COL18A1: variants seen among roughly 807,000 people sequenced by gnomAD.
COL18A1 encodes the protein collagen type XVIII alpha 1 chain, also known as collagen alpha-1(XVIII) chain.
In COL18A1, 133 loss-of-function variants were observed where a neutral mutation model predicts 168.0. The observed-to-expected ratio is 0.79, with a 90% CI of 0.69 to 0.91. The LOEUF (loss-of-function observed/expected upper bound fraction) is 0.91. COL18A1 is among the 40% of genes least tolerant of loss of function. The pLI is 0.00. For synonymous variants in COL18A1, 949 were observed against 809.0 expected (o/e 1.17, Z -2.94); for missense variants, 2,126 against 1,925.4 (o/e 1.10, Z -1.95).
At position 45,423,501 on chromosome 21, in the gene COL18A1, GC is replaced by G. The variant is rs940915933; in HGVS notation, c.106+18034del. 6.5e-4 allele frequency among the ~76,000 whole-genome samples: 41 copies of G among 63,522 alleles called. No individual in the cohort carries two copies. The highest frequency in any genetic ancestry group is 1.7e-3 in the African/African-American group (40 of 23,042). 41.7% of individuals were successfully genotyped at this position (63,522 alleles called of 152,430 possible). On this transcript the variant is annotated intron_variant, in intron 2 of 41. Transcript: ENST00000651438. The surrounding 1 kb of genome is among the most constrained non-coding windows in gnomAD (Gnocchi z 4.0). ...GCTGGGCGCCCGCCCCCCGCCCCCC[GC>G]CCCCCGGAGGGCCCGGCTCCAAGGG...
intron 2 of COL18A1, among the ~76,000 whole-genome samples, chr21:45,449,749 G>A (rs1486330047): frequency 6.6e-6 from 1 of 152,178 alleles, no homozygotes; most frequent in African/African-American, 2.4e-5. Flanking sequence ...CTCTCACTGT[G>A]CGGCCACCTC....
chr21:45,511,794 T>G (rs1340776122), intron 41 of COL18A1, among the ~76,000 whole-genome samples: 2 of 152,210 alleles, frequency 1.3e-5, no homozygotes. Flanking sequence ...CAAGGGTCTC[T>G]GACAGGAGTG....
intron 2 of COL18A1, among the ~76,000 whole-genome samples, chr21:45,465,627 G>C (rs779950304): frequency 3.9e-5 from 6 of 152,156 alleles, no homozygotes; most frequent in Admixed American, 2.0e-4. Context: ...GGGCACGAGC[G>C]GCCCTGGCTC....
chr21:45,468,957 C>G (rs1262081773), intron 3 of COL18A1, among the ~76,000 whole-genome samples, 171 bp downstream of exon 3: 1 of 152,144 alleles, frequency 6.6e-6, no homozygotes, highest in African/African-American at 2.4e-5. Flanking sequence ...CTGCTCAGCC[C>G]TGGCCTCCGG....
chr21:45,500,118 A>G (rs1223618333), intron 32 of COL18A1, among the ~76,000 whole-genome samples: 1 of 120,110 alleles, frequency 8.3e-6, no homozygotes, highest in Non-Finnish European at 1.7e-5. Context: ...GAGTGTGTGC[A>G]GTGTGGGGGT....
intron 38 of COL18A1, among the ~76,000 whole-genome samples, chr21:45,509,075 G>A (rs1056832984): frequency 2.6e-5 from 4 of 152,070 alleles, no homozygotes; most frequent in Non-Finnish European, 5.9e-5. Context: ...CAAAGGAGAG[G>A]GCAGGTCAGG....
chr21:45,480,662 C>T (rs752258899), intron 12 of COL18A1, 38 bp from the exon 13 acceptor site: 25 of 1,611,016 alleles, frequency 1.6e-5, no homozygotes, highest in Non-Finnish European at 1.0e-5. Context: ...TGGTGGGTGC[C>T]ACATGGGCTG....
chr21:45,476,204 C>T lies in COL18A1; in HGVS notation c.799-147C>T, dbSNP rs905276343. 10 of 1,209,538 alleles carry T rather than the reference C, an allele frequency of 8.3e-6. No individual in the cohort carries two copies. In the African/African-American group the frequency reaches 1.1e-4, roughly 13 times the overall value. 74.9% of individuals were successfully genotyped at this position (1,209,538 alleles called of 1,614,324 possible). ...CTGCGGCCCACGGAAGGAAGCCCCT[C>T]GCGCACGGCCCTGGAGCACCCTCCT... is the stretch of plus-strand genomic sequence containing the variant. On this transcript the variant is annotated intron_variant, in intron 5 of 41. Transcript: ENST00000651438.
intron 2 of COL18A1, among the ~76,000 whole-genome samples, chr21:45,440,271 G>A (rs1569290487): frequency 6.6e-6 from 1 of 152,246 alleles, no homozygotes; most frequent in South Asian, 2.1e-4. Flanking sequence ...AGAAGCAGAG[G>A]CCTCCCTGGG....
rs2036642328 is a variant in COL18A1, at chr21:45,498,952, G to A, written c.2683+1291G>A. ...CTGTGTATAGGTTTTGGTCGACGTG[G>A]GATTGCTTGTCCCTGGGAGCCAGAA... is the stretch of plus-strand genomic sequence containing the variant. On this transcript the variant is annotated intron_variant, in intron 32 of 41. Coordinates refer to ENST00000651438, the MANE Select transcript of COL18A1 (RefSeq NM_001379500.1). This position sits in a 1 kb window ranked among gnomAD's most constrained non-coding sequence, Gnocchi z 4.5. Among the ~76,000 whole-genome samples, 1 of 152,152 alleles carries A rather than the reference G, an allele frequency of 6.6e-6. No individual in the cohort carries two copies. Among genetic ancestry groups the A allele is most frequent in the African/African-American group, 2.4e-5 (1 of 41,424 alleles).
At position 45,497,601 on chromosome 21, in the gene COL18A1, A is replaced by G. The variant is rs371993501; in HGVS notation, c.2623A>G (p.Asn875Asp). 1.7e-4 allele frequency: 266 copies of G among 1,561,416 alleles called. No individual in the cohort carries two copies. Among genetic ancestry groups the G allele is most frequent in the Non-Finnish European group, 2.2e-4 (256 of 1,153,212 alleles). Residue 875 changes from asparagine to aspartate, a missense_variant and splice_region_variant, in exon 32 of 42, where the codon AAT (asparagine) becomes GAT (aspartate). By Grantham distance (23) the Asn-to-Asp change is conservative. Coordinates refer to ENST00000651438, the MANE Select transcript of COL18A1 (RefSeq NM_001379500.1). The stretch of plus-strand genomic sequence containing the variant: ...GCACTGGGTCTCTCTTCCTCCAGGG[A>G]ATCAGGGCCCTCCAGGACCCAAGGG... ...SRPGPPGLPG[N>D]QGPPGPKGAK... is the part of the protein sequence containing the mutation.
chr21:45,495,525 A>G, intron 29 of COL18A1, 93 bp downstream of exon 29: 1 of 1,099,884 alleles, frequency 9.1e-7, no homozygotes, highest in East Asian at 2.6e-5. Context: ...CTCCTCCCAG[A>G]GGCCACTTAT....
At chr21:45,490,242 C>T (rs1356726574) in intron 19 of COL18A1, 33 bp from the exon 20 acceptor site, 7 of 1,544,670 alleles carry the variant, frequency 4.5e-6, no homozygotes, top group African/African-American at 4.1e-5. Context: ...GGCGTGTGGC[C>T]AATGCCCTGC....
intron 2 of COL18A1, among the ~76,000 whole-genome samples, chr21:45,426,770 C>T: frequency 6.6e-6 from 1 of 152,240 alleles, no homozygotes; most frequent in East Asian, 1.9e-4. Context: ...CTCCTGCAGA[C>T]ACTTGCCCAT....
At chr21:45,492,001 T>C (rs920533742) in intron 22 of COL18A1, among the ~76,000 whole-genome samples, 1 of 152,186 alleles carries the variant, frequency 6.6e-6, no homozygotes, top group Non-Finnish European at 1.5e-5. Flanking sequence ...GCAGGCACCG[T>C]CAGCTGTGTG....
chr21:45,472,657 GC>G (rs1389161021), intron 3 of COL18A1, among the ~76,000 whole-genome samples: 1 of 152,060 alleles, frequency 6.6e-6, no homozygotes, highest in Non-Finnish European at 1.5e-5. Flanking sequence ...CCACGGTGCT[GC>G]CCCTGGCCGA....
At position 45,472,813 on chromosome 21, in the gene COL18A1, G is replaced by A. The variant is rs532990797; in HGVS notation, c.652-1082G>A. On this transcript the variant is annotated intron_variant, in intron 3 of 41. Transcript: ENST00000651438. ...GCCCACAGGGTCCACACCCCCCCAC[G>A]CATGAGCTCACACGCGTGCATACGT... Among the ~76,000 whole-genome samples the A allele has an allele frequency of 5.3e-5, 8 of 151,644 alleles. No homozygotes were observed. In the East Asian group the frequency reaches 1.6e-3, roughly 29 times the overall value.
intron 2 of COL18A1, 115 bp downstream of exon 2, chr21:45,405,588 C>T (rs546242066): frequency 1.8e-6 from 1 of 566,950 alleles, no homozygotes; most frequent in Non-Finnish European, 2.5e-6. Context: ...GGTTCAGCCC[C>T]GGCCCTGCCC....
chr21:45,510,467 C>T (rs1435872657), intron 40 of COL18A1, among the ~76,000 whole-genome samples: 2 of 152,178 alleles, frequency 1.3e-5, no homozygotes, highest in Non-Finnish European at 2.9e-5. Context: ...TGGGCACTGC[C>T]ACGTCCCCCA....
Sources: allele counts gnomAD v4.1 joint callset (sites outside exome capture counted in the v4.1 genomes callset), GRCh38; gene constraint gnomAD v4.1.1; non-coding constraint Gnocchi (gnomAD v3.1); transcripts MANE v1.5; gene names NCBI Gene and HGNC (gene_info 2026-07-23, HGNC 2026-07-21).